The following TLX3 variants were observed in gnomAD, a reference collection of about 807,000 sequenced individuals.
TLX3 encodes the protein T-cell leukemia homeobox protein 3.
A neutral mutation model predicts 19.6 loss-of-function variants in TLX3; 11 were observed. The observed-to-expected ratio is 0.56, with a 90% CI of 0.35 to 0.93. TLX3 has a LOEUF of 0.93. Ranked by LOEUF, TLX3 falls within the 40% of genes least tolerant of loss-of-function variation. TLX3 has a pLI of 0.01. For missense variants in TLX3, 375 were observed against 418.6 expected (o/e 0.90, Z 0.91); for synonymous variants, 221 against 188.1 (o/e 1.17, Z -1.43).
chr5:171,309,297 T>C lies in TLX3; in HGVS notation c.-69T>C, dbSNP rs1026893431. The C allele has an allele frequency of 2.2e-6, 3 of 1,349,494 alleles. No homozygotes were observed. The highest frequency in any genetic ancestry group is 2.8e-5 in the East Asian group (1 of 36,000). The allele number at this position is 1,349,494 out of a possible 1,614,324, so 83.6% of individuals were successfully genotyped here. Reference sequence around the variant, plus strand: ...GCGACGAGAGGCGCCGGGCGCTCCATGGCCGCGCCGTAACGGGGACCCAGC... The same window carrying C: ...GCGACGAGAGGCGCCGGGCGCTCCACGGCCGCGCCGTAACGGGGACCCAGC... On this transcript the variant is annotated 5_prime_UTR_variant, in exon 1 of 3. It removes an upstream start codon present in the reference 5' UTR. Transcript: ENST00000296921.
chr5:171,310,556 C>T (rs892822808), intron 2 of TLX3, among the ~76,000 whole-genome samples, 163 bp downstream of exon 2: 3 of 145,626 alleles, frequency 2.1e-5, no homozygotes, highest in African/African-American at 5.0e-5. Flanking sequence ...GTACCTCTTC[C>T]TTTCACCCTT....
chr5:171,309,899 G>A, intron 1 of TLX3, 113 bp downstream of exon 1: 1 of 1,387,824 alleles, frequency 7.2e-7, no homozygotes, highest in Non-Finnish European at 9.5e-7. Context: ...CGCGGCGGAG[G>A]CCTCGGCCCC....
In TLX3 at chr5:171,311,030, C is replaced by A. The variant is rs1182801542; in HGVS notation, c.666-359C>A. 2.6e-5 allele frequency among the ~76,000 whole-genome samples: 4 copies of A among 152,006 alleles called. No homozygotes were observed. Among genetic ancestry groups the A allele is most frequent in the Non-Finnish European group, 4.4e-5 (3 of 68,004 alleles). ...GTGGTGCAGAGCCAGCCTGCTCACC[C>A]GCGGACCCCAGCGACCCCGGTTCCC... On this transcript the variant is annotated intron_variant, in intron 2 of 2. Transcript: ENST00000296921. This position sits in a 1 kb window ranked among gnomAD's most constrained non-coding sequence, Gnocchi z 5.1.
Position 171,310,317 on chromosome 5 carries a change from G to A in TLX3, c.589G>A (p.Ala197Thr). 6.2e-7 allele frequency: 1 copy of A among 1,609,368 alleles called. No individual in the cohort carries two copies. The highest frequency in any genetic ancestry group is 8.5e-7 in the Non-Finnish European group (1 of 1,178,034). Residue 197 changes from alanine to threonine, a missense_variant, in exon 2 of 3, where the codon GCG becomes ACG. This residue lies in a region of TLX3 where 74 missense variants were observed against 138.6 expected (regional missense o/e 0.53). Transcript: ENST00000296921. ...GAAGTACCTGGCCTCTGCCGAGAGGGCGGCGCTCGCCAAGTCCCTCAAAAT... is the reference window on the plus strand; with the variant it reads ...GAAGTACCTGGCCTCTGCCGAGAGGACGGCGCTCGCCAAGTCCCTCAAAAT... Reference protein sequence around the residue: ...RQKYLASAERAALAKSLKMTD... With the variant: ...RQKYLASAERTALAKSLKMTD...
At position 171,309,627 on chromosome 5, in the gene TLX3, A is replaced by T; in HGVS notation, c.262A>T (p.Ile88Phe). The part of the protein sequence containing the change: ...VNLSLAPAGV[I>F]RVPAHRPLPG... The stretch of plus-strand genomic sequence containing the variant: ...CCTGAGCCTAGCGCCCGCAGGCGTG[A>T]TCCGGGTGCCGGCGCACAGGCCGCT... Residue 88 changes from isoleucine (I) to phenylalanine (F), a missense_variant, in exon 1 of 3, where the codon ATC (isoleucine) becomes TTC (phenylalanine). Physicochemically the swap from Ile to Phe is conservative, Grantham distance 21. Coordinates refer to ENST00000296921, the MANE Select transcript of TLX3 (RefSeq NM_021025.4). 6.2e-7 allele frequency: 1 copy of T among 1,607,952 alleles called. No homozygotes were observed. Among genetic ancestry groups the T allele is most frequent in the Non-Finnish European group, 8.5e-7 (1 of 1,178,018 alleles).
intron 2 of TLX3, among the ~76,000 whole-genome samples, chr5:171,310,642 C>T (rs1042243612): frequency 2.0e-5 from 3 of 151,604 alleles, no homozygotes; most frequent in Non-Finnish European, 4.4e-5. Flanking sequence ...CCCCATCTTT[C>T]GTGAGCCCCT....
At position 171,311,331 on chromosome 5, in the gene TLX3, GGCGGCCCC is replaced by G; in HGVS notation, c.666-53_666-46del. The G allele has an allele frequency of 2.7e-6, 4 of 1,474,230 alleles. No individual in the cohort carries two copies. The highest frequency in any genetic ancestry group is 2.7e-6 in the Non-Finnish European group (3 of 1,102,868). 91.3% of individuals were successfully genotyped at this position (1,474,230 alleles called of 1,614,324 possible). A position where few individuals can be genotyped will look rare whatever the true frequency, so the allele number is the denominator to read the frequency against. On this transcript the variant is annotated intron_variant, in intron 2 of 2. Coordinates refer to ENST00000296921, the MANE Select transcript of TLX3 (RefSeq NM_021025.4). This position sits in a 1 kb window ranked among gnomAD's most constrained non-coding sequence, Gnocchi z 5.1. ...CTCCCGGGAGGGCCGGGGCCCCGCCGGCGGCCCCGCGGTGCCGGGTGCATGACGGTACT... is the reference window on the plus strand; with the variant it reads ...CTCCCGGGAGGGCCGGGGCCCCGCCGGCGGTGCCGGGTGCATGACGGTACT...
chr5:171,309,764 C>T lies in TLX3; in HGVS notation c.399C>T (p.Arg133=). The T allele has an allele frequency of 6.2e-7, 1 of 1,606,476 alleles. No homozygotes were observed. Among genetic ancestry groups the T allele is most frequent in the Non-Finnish European group, 8.5e-7 (1 of 1,176,694 alleles). The change falls in exon 1 of 3, where the codon CGC becomes CGT. Residue 133 remains arginine (R), a synonymous_variant. Coordinates refer to ENST00000296921, the MANE Select transcript of TLX3 (RefSeq NM_021025.4). ...LNFPWMESSR[R]FVKDRFTAAA... ...TCCCCTGGATGGAGAGCAGCCGCCG[C>T]TTCGTGAAAGACCGCTTCACAGGTG...
At chr5:171,309,914 C>T in intron 1 of TLX3, 128 bp downstream of exon 1, 2 of 1,338,856 alleles carry the variant, frequency 1.5e-6, no homozygotes, top group Non-Finnish European at 2.0e-6. Flanking sequence ...GGCCCCAGGG[C>T]CCCGGGCAGC....
At position 171,309,391 on chromosome 5, in the gene TLX3, C is replaced by T. The variant is rs370753140; in HGVS notation, c.26C>T (p.Thr9Ile). The T allele has an allele frequency of 7.5e-5, 118 of 1,574,120 alleles. No homozygotes were observed. The highest frequency in any genetic ancestry group is 9.7e-5 in the Non-Finnish European group (112 of 1,157,012). Residue 9 changes from threonine to isoleucine, a missense_variant, in exon 1 of 3, where the codon ACC (threonine) becomes ATC (isoleucine). Around this residue, in one of 3 missense-constraint regions of TLX3, gnomAD observed 239 missense variants for 217.0 expected, o/e 1.10. Coordinates refer to ENST00000296921, the MANE Select transcript of TLX3 (RefSeq NM_021025.4). ...ATGGAGGCGCCCGCCAGCGCGCAGA[C>T]CCCGCACCCGCACGAGCCCATCAGC... MEAPASAQ[T>I]PHPHEPISFG...
At position 171,312,029 on chromosome 5, in the gene TLX3, A is replaced by C. The variant is rs2113033138; in HGVS notation, c.*430A>C. On this transcript the variant is annotated 3_prime_UTR_variant, in exon 3 of 3. Coordinates refer to ENST00000296921, the MANE Select transcript of TLX3 (RefSeq NM_021025.4). The stretch of plus-strand genomic sequence containing the variant: ...GGCAGCCGACCCGGCCGCTGGGGGA[A>C]GTGCCAGGGGCCCGGGGCACCCTGC... 2 of 192,840 alleles carry C rather than the reference A, an allele frequency of 1.0e-5. No individual in the cohort carries two copies. Among genetic ancestry groups the C allele is most frequent in the Admixed American group, 1.2e-4 (2 of 16,270 alleles). The allele number at this position is 192,840 out of a possible 1,614,324, so 11.9% of individuals were successfully genotyped here.
intron 1 of TLX3, among the ~76,000 whole-genome samples, 169 bp downstream of exon 1, chr5:171,309,955 G>A (rs1443833167): frequency 2.0e-5 from 3 of 152,244 alleles, no homozygotes; most frequent in Non-Finnish European, 4.4e-5. Context: ...GAGAGTTGCA[G>A]GAAAATAAGC....
rs752751250 is a variant in TLX3 at position 171,309,394 on chromosome 5, C to A, written c.29C>A (p.Pro10Gln). The A allele has an allele frequency of 1.2e-6, 2 of 1,604,174 alleles. No individual in the cohort carries two copies. The highest frequency in any genetic ancestry group is 1.7e-6 in the Non-Finnish European group (2 of 1,176,586). MEAPASAQT[P>Q]HPHEPISFGI... ...GAGGCGCCCGCCAGCGCGCAGACCC[C>A]GCACCCGCACGAGCCCATCAGCTTC... is the stretch of plus-strand genomic sequence containing the variant. Residue 10 changes from proline to glutamine, a missense_variant, in exon 1 of 3, where the codon CCG (proline) becomes CAG (glutamine). This residue lies in a region of TLX3 where 239 missense variants were observed against 217.0 expected (regional missense o/e 1.10). Coordinates refer to ENST00000296921, the MANE Select transcript of TLX3 (RefSeq NM_021025.4).
intron 2 of TLX3, 110 bp downstream of exon 2, chr5:171,310,503 C>A (rs1769201560): frequency 9.6e-6 from 13 of 1,348,304 alleles, no homozygotes; most frequent in Non-Finnish European, 1.2e-5. Context: ...CCCCGCCCCC[C>A]TCTGCCTCCC....
rs2128051116 is a variant in TLX3, at chr5:171,310,216, C to T, written c.488C>T (p.Pro163Leu). 2 of 1,555,576 alleles carry T rather than the reference C, an allele frequency of 1.3e-6. No homozygotes were observed. The highest frequency in any genetic ancestry group is 1.7e-6 in the Non-Finnish European group (2 of 1,149,552). Residue 163 changes from proline (P) to leucine (L), a missense_variant, in exon 2 of 3, where the codon CCG becomes CTG. Around this residue, in one of 3 missense-constraint regions of TLX3, gnomAD observed 74 missense variants for 138.6 expected, o/e 0.53. Coordinates refer to ENST00000296921, the MANE Select transcript of TLX3 (RefSeq NM_021025.4). Reference protein sequence around the residue: ...RIGHPYQNRTPPKRKKPRTSF... With the variant: ...RIGHPYQNRTLPKRKKPRTSF... Reference sequence around the variant, plus strand: ...GGCCACCCCTACCAGAACCGGACGCCGCCCAAGCGTAAGAAGCCGCGCACG... The same window carrying T: ...GGCCACCCCTACCAGAACCGGACGCTGCCCAAGCGTAAGAAGCCGCGCACG...
Position 171,311,321 on chromosome 5 carries a change from G to A in TLX3, c.666-68G>A. The A allele has an allele frequency of 1.4e-6, 2 of 1,443,528 alleles. No homozygotes were observed. Among genetic ancestry groups the A allele is most frequent in the Non-Finnish European group, 1.9e-6 (2 of 1,078,536 alleles). The allele number at this position is 1,443,528 out of a possible 1,614,324, so 89.4% of individuals were successfully genotyped here. Reference sequence around the variant, plus strand: ...ATGGCCTCGGCTCCCGGGAGGGCCGGGGCCCCGCCGGCGGCCCCGCGGTGC... The same window carrying A: ...ATGGCCTCGGCTCCCGGGAGGGCCGAGGCCCCGCCGGCGGCCCCGCGGTGC... On this transcript the variant is annotated intron_variant, in intron 2 of 2. Coordinates refer to ENST00000296921, the MANE Select transcript of TLX3 (RefSeq NM_021025.4). The surrounding 1 kb of genome is among the most constrained non-coding windows in gnomAD (Gnocchi z 5.1).
Position 171,311,268 on chromosome 5 carries a change from G to A in TLX3, c.666-121G>A, listed in dbSNP as rs1769215616. The A allele has an allele frequency of 6.4e-6, 5 of 784,740 alleles. No individual in the cohort carries two copies. Among genetic ancestry groups the A allele is most frequent in the Non-Finnish European group, 9.9e-6 (5 of 503,766 alleles). The allele number at this position is 784,740 out of a possible 1,614,324, so 48.6% of individuals were successfully genotyped here. ...GGCGTAAAGCGCGGGCTGGGAGGCA[G>A]ACGGGTTCTGCGCCTCGAGGCTCCC... On this transcript the variant is annotated intron_variant, in intron 2 of 2. Transcript: ENST00000296921. The surrounding 1 kb of genome is among the most constrained non-coding windows in gnomAD (Gnocchi z 5.1).
chr5:171,309,999 G>A, intron 1 of TLX3, 151 bp from the exon 2 acceptor site: 1 of 1,332,328 alleles, frequency 7.5e-7, no homozygotes, highest in Non-Finnish European at 1.0e-6. Flanking sequence ...GGGCGAGGGG[G>A]TCTCCCGACC....
At chr5:171,310,009 C>T (rs776864813) in intron 1 of TLX3, 141 bp from the exon 2 acceptor site, 14 of 1,375,590 alleles carry the variant, frequency 1.0e-5, no homozygotes, top group South Asian at 1.5e-5. Context: ...GTCTCCCGAC[C>T]GGCTTGGTGT....
Sources: allele counts gnomAD v4.1 joint callset (sites outside exome capture counted in the v4.1 genomes callset), GRCh38; gene constraint gnomAD v4.1.1; regional missense constraint gnomAD v4.1.1; non-coding constraint Gnocchi (gnomAD v3.1); transcripts MANE v1.5; gene names NCBI Gene and HGNC (gene_info 2026-07-23, HGNC 2026-07-21).